CADM2: variants seen among roughly 807,000 people sequenced by gnomAD.
CADM2 encodes the protein immunoglobulin superfamily member 4D.
Under a neutral mutation model 49.8 loss-of-function variants are expected in CADM2, and 12 were observed. The observed-to-expected ratio is 0.24, with a 90% confidence interval of 0.15 to 0.39. The LOEUF (loss-of-function observed/expected upper bound fraction) is 0.39, where lower values mean the gene tolerates loss of function less well. Ranked by LOEUF, CADM2 falls within the 10% of genes least tolerant of loss-of-function variation. The pLI is 1.00. For missense variants in CADM2, 378 were observed against 492.3 expected (o/e 0.77, Z 2.20); for synonymous variants, 214 against 175.4 (o/e 1.22, Z -1.74).
intron 1 of CADM2, among the ~76,000 whole-genome samples, chr3:85,051,132 G>T (rs1165717528): frequency 1.3e-5 from 2 of 152,120 alleles, no homozygotes; most frequent in African/African-American, 2.4e-5. Context: ...GAGCTGCCCT[G>T]ACATTCAAAA....
intron 1 of CADM2, among the ~76,000 whole-genome samples, chr3:85,005,663 C>G (rs546483814): frequency 6.6e-6 from 1 of 151,764 alleles, no homozygotes. Context: ...AGTTGTTTTA[C>G]CAAGAAGCAG....
chr3:85,359,666 A>ATATATAT, intron 1 of CADM2, among the ~76,000 whole-genome samples: 2 of 26,556 alleles, frequency 7.5e-5, no homozygotes, highest in East Asian at 2.7e-3. Flanking sequence ...ATATATATAT[A>ATATATAT]TTTTTTTTTT....
At chr3:85,697,310 C>T (rs1231014820) in intron 1 of CADM2, among the ~76,000 whole-genome samples, 2 of 151,778 alleles carry the variant, frequency 1.3e-5, no homozygotes, top group Non-Finnish European at 2.9e-5. Context: ...TGTGATTTAG[C>T]TGACAGATAT....
intron 3 of CADM2, among the ~76,000 whole-genome samples, chr3:85,870,686 T>G (rs1051109595): frequency 2.0e-5 from 3 of 152,222 alleles, no homozygotes; most frequent in African/African-American, 7.2e-5. Context: ...TCTTTGCTAT[T>G]GTGAATAGTG....
intron 1 of CADM2, among the ~76,000 whole-genome samples, chr3:85,503,975 A>T (rs186784780): frequency 6.4e-4 from 97 of 152,354 alleles, no homozygotes; most frequent in African/African-American, 2.2e-3. Context: ...GAATTACCTT[A>T]ACAGTTCAGA....
At chr3:85,145,284 G>T (rs984510287) in intron 1 of CADM2, among the ~76,000 whole-genome samples, 3 of 152,116 alleles carry the variant, frequency 2.0e-5, no homozygotes, top group African/African-American at 7.2e-5. Context: ...GAAAACAGTG[G>T]TTGAATTTTT....
chr3:86,000,509 G>A (rs909247559), intron 8 of CADM2, among the ~76,000 whole-genome samples: 16 of 152,030 alleles, frequency 1.1e-4, no homozygotes, highest in African/African-American at 3.6e-4. Flanking sequence ...AATATATAGA[G>A]TTCTCTGATT....
intron 1 of CADM2, among the ~76,000 whole-genome samples, chr3:85,700,233 A>C (rs1465135530): frequency 6.6e-6 from 1 of 152,130 alleles, no homozygotes; most frequent in Non-Finnish European, 1.5e-5. Flanking sequence ...ACTATCGCAA[A>C]AACAAAAAAC....
chr3:85,399,958 A>G (rs2035012469), intron 1 of CADM2, among the ~76,000 whole-genome samples: 1 of 151,934 alleles, frequency 6.6e-6, no homozygotes, highest in Non-Finnish European at 1.5e-5. Context: ...AATACCCTTT[A>G]TTTCTTTCTC....
At chr3:86,045,177 TGC>T (rs1433394305) in intron 8 of CADM2, among the ~76,000 whole-genome samples, 1 of 151,988 alleles carries the variant, frequency 6.6e-6, no homozygotes, top group Non-Finnish European at 1.5e-5. Flanking sequence ...CTGCACATTG[TGC>T]ACATGTACCC....
At chr3:85,812,137 G>A (rs913248405) in intron 3 of CADM2, among the ~76,000 whole-genome samples, 7 of 152,240 alleles carry the variant, frequency 4.6e-5, no homozygotes, top group African/African-American at 1.7e-4. Context: ...ATATATGGGT[G>A]TGGTGGAAGG....
chr3:86,012,582 C>G, intron 8 of CADM2: 1 of 1,558,382 alleles, frequency 6.4e-7, no homozygotes, highest in Admixed American at 1.8e-5. Flanking sequence ...CTGCGCTGCC[C>G]CCAACTGCAC....
At chr3:85,076,712 C>T (rs1384397212) in intron 1 of CADM2, among the ~76,000 whole-genome samples, 1 of 151,690 alleles carries the variant, frequency 6.6e-6, no homozygotes, top group Non-Finnish European at 1.5e-5. Context: ...TGGTTCACAC[C>T]TTTAATTCCA....
intron 3 of CADM2, among the ~76,000 whole-genome samples, chr3:85,836,523 T>C (rs2074415899): frequency 6.6e-6 from 1 of 151,644 alleles, no homozygotes. Context: ...AATTACTCTC[T>C]GTGTTTGAGA....
intron 1 of CADM2, among the ~76,000 whole-genome samples, chr3:85,254,155 T>C (rs2042834663): frequency 6.6e-6 from 1 of 152,050 alleles, no homozygotes. Flanking sequence ...GTACTCAGGG[T>C]AATATTTACT....
At chr3:85,861,024 C>T (rs2075511459) in intron 3 of CADM2, among the ~76,000 whole-genome samples, 1 of 152,104 alleles carries the variant, frequency 6.6e-6, no homozygotes. Context: ...AAGAAAGAGG[C>T]AAATTGTGCC....
intron 2 of CADM2, among the ~76,000 whole-genome samples, chr3:85,746,576 T>C (rs535330696): frequency 6.6e-6 from 1 of 152,258 alleles, no homozygotes. Flanking sequence ...GTCAGTATTT[T>C]CCTCATATCT....
At chr3:85,012,261 G>A (rs1576029833) in intron 1 of CADM2, among the ~76,000 whole-genome samples, 1 of 151,176 alleles carries the variant, frequency 6.6e-6, no homozygotes, top group African/African-American at 2.4e-5. Flanking sequence ...ATCTCATGCA[G>A]TAAACTTGAA....
chr3:85,246,309 G>A (rs1337717153), intron 1 of CADM2, among the ~76,000 whole-genome samples: 1 of 152,166 alleles, frequency 6.6e-6, no homozygotes, highest in East Asian at 1.9e-4. Context: ...GGTGGGGGAA[G>A]GGGGTAGGGA....
Sources: allele counts gnomAD v4.1 joint callset (sites outside exome capture counted in the v4.1 genomes callset), GRCh38; gene constraint gnomAD v4.1.1; transcripts MANE v1.5; gene names NCBI Gene and HGNC (gene_info 2026-07-23, HGNC 2026-07-21).